The following UNC13C variants were observed in gnomAD, a reference collection of about 807,000 sequenced individuals.
UNC13C encodes the protein unc-13 homolog C.
Under a neutral mutation model 245.4 loss-of-function variants are expected in UNC13C, and 174 were observed. The observed-to-expected ratio is 0.71, with a 90% CI of 0.63 to 0.80. The LOEUF (loss-of-function observed/expected upper bound fraction) is 0.80, where lower values mean the gene tolerates loss of function less well. UNC13C is among the 30% of genes least tolerant of loss of function. UNC13C has a pLI of 0.00. For synonymous variants in UNC13C, 992 were observed against 895.1 expected (o/e 1.11, Z -1.93); for missense variants, 2,829 against 2,602.9 (o/e 1.09, Z -1.89).
At chr15:54,001,780 G>A (rs1330607554) in intron 1 of UNC13C, among the ~76,000 whole-genome samples, 2 of 152,168 alleles carry the variant, frequency 1.3e-5, no homozygotes, top group African/African-American at 4.8e-5. Context: ...AAAGTGCTCC[G>A]TGGGGACACG....
At chr15:53,985,123 G>C (rs1236750362) in intron 1 of UNC13C, among the ~76,000 whole-genome samples, 1 of 151,778 alleles carries the variant, frequency 6.6e-6, no homozygotes, top group Non-Finnish European at 1.5e-5. Context: ...ACAGGCCCTG[G>C]TGTGTGTTGT....
At chr15:54,458,836 G>C (rs764356529) in intron 19 of UNC13C, among the ~76,000 whole-genome samples, 5 of 151,612 alleles carry the variant, frequency 3.3e-5, no homozygotes, top group Admixed American at 2.6e-4. Flanking sequence ...CTTGATTGGT[G>C]GGTTTTTATC....
At chr15:54,477,872 TCAGAAGGAATGGTAC>T (rs1434447479) in intron 19 of UNC13C, among the ~76,000 whole-genome samples, 1 of 149,372 alleles carries the variant, frequency 6.7e-6, no homozygotes, top group Non-Finnish European at 1.5e-5. Context: ...TGGAATAGTT[TCAGAAGGAATGGTAC>T]CAGTTCCTCC....
chr15:54,506,655 A>G (rs537389), intron 22 of UNC13C, among the ~76,000 whole-genome samples: 77,603 of 151,768 alleles, frequency 0.51, 20,150 homozygotes, highest in Middle Eastern at 0.62. Flanking sequence ...TCTCTTCTTC[A>G]GCTTAACTCT....
intron 7 of UNC13C, among the ~76,000 whole-genome samples, chr15:54,241,761 A>T (rs1303709240): frequency 6.6e-6 from 1 of 152,198 alleles, no homozygotes; most frequent in Non-Finnish European, 1.5e-5. Context: ...CCATCAGCGC[A>T]GTAGGGCAGG....
At chr15:53,964,931 C>T in the UNC13C span, among the ~76,000 whole-genome samples, 2 of 152,166 alleles carry the variant, frequency 1.3e-5, no homozygotes, top group Non-Finnish European at 2.9e-5. Flanking sequence ...ACTAACAAGA[C>T]ATAGCCTGCC....
At position 54,163,233 on chromosome 15, in the gene UNC13C, G is replaced by A. The variant is rs115532304; in HGVS notation, c.3071+19549G>A. Among the ~76,000 whole-genome samples, 451 of 152,262 alleles carry A rather than the reference G, an allele frequency of 3.0e-3. 1 individual carries two copies. Among genetic ancestry groups the A allele is most frequent in the African/African-American group, 0.01 (434 of 41,560 alleles). Reference sequence around the variant, plus strand: ...GAGAAGATGTGATGATGAATGGGAAGCAGAGACTGGAGTGATACACAAAGG... The same window carrying A: ...GAGAAGATGTGATGATGAATGGGAAACAGAGACTGGAGTGATACACAAAGG... On this transcript the variant is annotated intron_variant, in intron 4 of 32. Coordinates refer to ENST00000260323, the MANE Select transcript of UNC13C (RefSeq NM_001080534.3).
rs1204901509 is a variant in UNC13C at position 54,070,948 on chromosome 15, A to T, written c.2983+55062A>T. On this transcript the variant is annotated intron_variant, in intron 2 of 32. Coordinates refer to ENST00000260323, the MANE Select transcript of UNC13C (RefSeq NM_001080534.3). ...TTTGGTTCATACTTTTTGGTAGAAG[A>T]TATATAATTTATTATTCAACATCTA... is the stretch of plus-strand genomic sequence containing the variant. Among the ~76,000 whole-genome samples the T allele has an allele frequency of 3.3e-5, 5 of 152,290 alleles. No homozygotes were observed. The East Asian group carries it at 9.7e-4, about 29-fold the overall frequency.
intron 10 of UNC13C, among the ~76,000 whole-genome samples, chr15:54,271,208 TG>T (rs1431204157): frequency 6.6e-6 from 1 of 152,170 alleles, no homozygotes; most frequent in Non-Finnish European, 1.5e-5. Flanking sequence ...TACAGAAATC[TG>T]AGTTACAAGG....
chr15:54,534,101 G>A (rs769627480), intron 26 of UNC13C, among the ~76,000 whole-genome samples: 4 of 152,152 alleles, frequency 2.6e-5, no homozygotes, highest in East Asian at 1.9e-4. Context: ...ACCAGCACAC[G>A]TAAACACCAC....
chr15:54,561,421 G>C (rs972158767), intron 29 of UNC13C, among the ~76,000 whole-genome samples: 4 of 152,036 alleles, frequency 2.6e-5, no homozygotes, highest in African/African-American at 7.2e-5. Flanking sequence ...ATCAGGAAAA[G>C]CTGCAATGGT....
chr15:54,567,454 A>G (rs1190498076), intron 29 of UNC13C, among the ~76,000 whole-genome samples: 2 of 152,144 alleles, frequency 1.3e-5, no homozygotes, highest in Non-Finnish European at 2.9e-5. Flanking sequence ...ATATTCAAGA[A>G]ACAGAAGTCA....
At chr15:54,100,699 A>G (rs1900117599) in intron 2 of UNC13C, among the ~76,000 whole-genome samples, 1 of 152,016 alleles carries the variant, frequency 6.6e-6, no homozygotes, top group South Asian at 2.1e-4. Flanking sequence ...CAAAAAAAAA[A>G]ATAGCTGTTG....
At chr15:53,846,291 T>C in the UNC13C span, among the ~76,000 whole-genome samples, 1 of 152,182 alleles carries the variant, frequency 6.6e-6, no homozygotes, top group African/African-American at 2.4e-5. Context: ...TGTGATGAGG[T>C]TTACAACACA....
intron 19 of UNC13C, among the ~76,000 whole-genome samples, chr15:54,443,461 C>T (rs532995056): frequency 1.3e-5 from 2 of 151,864 alleles, no homozygotes; most frequent in Non-Finnish European, 2.9e-5. Context: ...TTGGTTTCTT[C>T]TTGCTTTTCT....
At chr15:54,468,996 C>T (rs1265131590) in intron 19 of UNC13C, among the ~76,000 whole-genome samples, 1 of 151,492 alleles carries the variant, frequency 6.6e-6, no homozygotes, top group Non-Finnish European at 1.5e-5. Context: ...TATTTATAGA[C>T]ATTTTGCTGA....
intron 4 of UNC13C, among the ~76,000 whole-genome samples, chr15:54,224,282 G>A (rs77258287): frequency 0.061 from 9,299 of 151,952 alleles, 1,004 homozygotes; most frequent in African/African-American, 0.21. Context: ...TTGTATTTTT[G>A]GCACTTTTAA....
chr15:54,008,567 A>T (rs918766919), intron 1 of UNC13C, among the ~76,000 whole-genome samples: 6 of 152,242 alleles, frequency 3.9e-5, no homozygotes, highest in Admixed American at 3.9e-4. Flanking sequence ...TTATTTAACT[A>T]AAGTTAAAAT....
At chr15:54,592,268 T>G (rs940964397) in intron 30 of UNC13C, among the ~76,000 whole-genome samples, 5 of 152,174 alleles carry the variant, frequency 3.3e-5, no homozygotes, top group Non-Finnish European at 7.4e-5. Flanking sequence ...ACGTGTATTC[T>G]GTGGTTGTTG....
Sources: gnomAD v4.1 joint callset for allele counts (sites outside exome capture counted in the v4.1 genomes callset) on GRCh38, gnomAD v4.1.1 for gene constraint, MANE v1.5 for transcripts, NCBI Gene and HGNC (gene_info 2026-07-23, HGNC 2026-07-21) for gene names.